Variants in DOP1B observed in about 807,000 individuals in gnomAD.
DOP1B encodes the protein DOP1 leucine zipper like protein B.
DOP1B carries 174 observed loss-of-function variants against 233.5 expected under a neutral mutation model. The ratio of observed to expected loss-of-function variants is 0.75; its 90% CI spans 0.66 to 0.85. The LOEUF is 0.85. DOP1B is among the 40% of genes least tolerant of loss of function. DOP1B has a pLI of 0.00. For missense variants in DOP1B, 2,652 were observed against 2,846.6 expected (o/e 0.93, Z 1.56); for synonymous variants, 1,190 against 1,185.6 (o/e 1.00, Z -0.08).
At chr21:36,227,048 A>G (rs1053607641) in intron 12 of DOP1B, among the ~76,000 whole-genome samples, 1 of 150,462 alleles carries the variant, frequency 6.6e-6, no homozygotes, top group South Asian at 2.1e-4. Flanking sequence ...TACTAAAAAA[A>G]ATACAAAAAG....
intron 27 of DOP1B, among the ~76,000 whole-genome samples, chr21:36,272,649 C>CAA (rs1048479594): frequency 1.0e-4 from 6 of 58,694 alleles, no homozygotes; most frequent in East Asian, 4.7e-4. Flanking sequence ...AACTCCATCT[C>CAA]AAAAAAAAAA....
At chr21:36,244,571 C>G (rs1189296090) in intron 18 of DOP1B, among the ~76,000 whole-genome samples, 1 of 152,020 alleles carries the variant, frequency 6.6e-6, no homozygotes, top group Non-Finnish European at 1.5e-5. Flanking sequence ...ATTACAAGCA[C>G]CTGCCACCAC....
chr21:36,282,528 G>GGTACT (rs2067428999), intron 32 of DOP1B, among the ~76,000 whole-genome samples: 1 of 152,202 alleles, frequency 6.6e-6, no homozygotes, highest in South Asian at 2.1e-4. Flanking sequence ...TCTTGCTAGA[G>GGTACT]TCCTCCTGCA....
rs774034819 is a variant in DOP1B, at chr21:36,200,483, G to A, written c.473G>A (p.Gly158Asp). 13 of 1,608,718 alleles carry A rather than the reference G, an allele frequency of 8.1e-6. No homozygotes were observed. The Admixed American group carries it at 2.2e-4, about 27-fold the overall frequency. The part of the protein sequence containing the change: ...IVGLLPGLEE[G>D]SEISDRTDAL... ...GGCCTGCTGCCCGGCCTTGAAGAGGGCTCCGAGATCTCCGACAGGTGCGTG... is the reference window on the plus strand; with the variant it reads ...GGCCTGCTGCCCGGCCTTGAAGAGGACTCCGAGATCTCCGACAGGTGCGTG... The change falls in exon 4 of 37, where the codon GGC becomes GAC. Residue 158 changes from glycine (G) to aspartate (D), a missense_variant. Transcript: ENST00000691173.
At chr21:36,232,659 T>G in intron 14 of DOP1B, 145 bp from the exon 15 acceptor site, 1 of 1,077,256 alleles carries the variant, frequency 9.3e-7, no homozygotes, top group Middle Eastern at 3.2e-4. Context: ...CAAATAAGTC[T>G]CACCAGCGGG....
intron 1 of DOP1B, among the ~76,000 whole-genome samples, chr21:36,157,507 G>GGCT (rs2065830598): frequency 6.6e-6 from 1 of 152,234 alleles, no homozygotes; most frequent in Admixed American, 6.5e-5. Context: ...CAGGGTTCCC[G>GGCT]GCTGCTCGCG....
intron 2 of DOP1B, among the ~76,000 whole-genome samples, chr21:36,176,101 T>TGC (rs756370304): frequency 0.34 from 49,972 of 146,996 alleles, 8,497 homozygotes; most frequent in South Asian, 0.49. Flanking sequence ...TGTGTGCGTG[T>TGC]GTGTGTGTGT....
rs565763383 is a variant in DOP1B at position 36,287,275 on chromosome 21, A to G, written c.6161-739A>G. On this transcript the variant is annotated intron_variant, in intron 32 of 36. Coordinates refer to ENST00000691173, the MANE Select transcript of DOP1B (RefSeq NM_001320714.2). The stretch of plus-strand genomic sequence containing the variant: ...GTTATATTTACTTGCTCCGCTTCCC[A>G]CCCACCACCCTCAAAATATGGTGTT... Among the ~76,000 whole-genome samples, 7 of 152,210 alleles carry G rather than the reference A, an allele frequency of 4.6e-5. No homozygotes were observed. In the East Asian group the frequency reaches 1.4e-3, roughly 29 times the overall value.
Position 36,239,963 on chromosome 21 carries a change from G to T in DOP1B, c.3067+8G>T. 1 of 1,605,852 alleles carries T rather than the reference G, an allele frequency of 6.2e-7. No individual in the cohort carries two copies. The highest frequency in any genetic ancestry group is 8.5e-7 in the Non-Finnish European group (1 of 1,177,150). ...AGCAGGAGAACTCGGCCGGTGAGCA[G>T]CCTGCACAGGACCCGAGGGTGAGGG... On this transcript the variant is annotated splice_region_variant and intron_variant, in intron 18 of 36. Coordinates refer to ENST00000691173, the MANE Select transcript of DOP1B (RefSeq NM_001320714.2).
In DOP1B at chr21:36,230,876, G is replaced by C; in HGVS notation, c.2092G>C (p.Asp698His). ...GCCTCAGTTCAAGCAGATGCTGTCA[G>C]ACTTGTTCACAGCACGAGGGTCTCC... Reference protein sequence around the residue: ...TVPQFKQMLSDLFTARGSPFK... With the variant: ...TVPQFKQMLSHLFTARGSPFK... Residue 698 changes from aspartate (D) to histidine (H), a missense_variant, in exon 14 of 37, where the codon GAC becomes CAC. By Grantham distance (81) the Asp-to-His change is moderately conservative. This residue lies in a region of DOP1B where 2,617 missense variants were observed against 2,794.3 expected (regional missense o/e 0.94). Coordinates refer to ENST00000691173, the MANE Select transcript of DOP1B (RefSeq NM_001320714.2). 6.2e-7 allele frequency: 1 copy of C among 1,614,136 alleles called. No homozygotes were observed.
Position 36,235,867 on chromosome 21 carries a change from G to GA in DOP1B, c.2623-1395_2623-1394insA, listed in dbSNP as rs1555893490. ...CCATAGTGACAGCAAGGAAGTCGGG[G>GA]GGGGGGCGGTCTACGTAGTCAAAAA... is the stretch of plus-strand genomic sequence containing the variant. On this transcript the variant is annotated intron_variant, in intron 15 of 36. Coordinates refer to ENST00000691173, the MANE Select transcript of DOP1B (RefSeq NM_001320714.2). 3.4e-5 allele frequency among the ~76,000 whole-genome samples: 5 copies of GA among 147,834 alleles called. No homozygotes were observed. The South Asian group carries it at 6.9e-4, about 20-fold the overall frequency.
chr21:36,230,379 A>C lies in DOP1B; in HGVS notation c.1666-71A>C, dbSNP rs2066745900. On this transcript the variant is annotated intron_variant, in intron 13 of 36. Transcript: ENST00000691173. ...TGAAAAACAGAATTGAAATACATTCATGATTTCAACTGATACTTAAATAGC... is the reference window on the plus strand; with the variant it reads ...TGAAAAACAGAATTGAAATACATTCCTGATTTCAACTGATACTTAAATAGC... The C allele has an allele frequency of 3.4e-6, 5 of 1,470,144 alleles. No individual in the cohort carries two copies. The South Asian group carries it at 5.3e-5, about 16-fold the overall frequency. The allele number at this position is 1,470,144 out of a possible 1,614,324, so 91.1% of individuals were successfully genotyped here. A position where few individuals can be genotyped will look rare whatever the true frequency, so the allele number is the denominator to read the frequency against.
At chr21:36,251,580 C>T (rs1035631543) in intron 22 of DOP1B, among the ~76,000 whole-genome samples, 7 of 152,188 alleles carry the variant, frequency 4.6e-5, no homozygotes, top group African/African-American at 7.2e-5. Flanking sequence ...CCACCACACC[C>T]GGCTAATTTT....
chr21:36,259,264 C>CTTTTTTTT (rs11411588), intron 23 of DOP1B, among the ~76,000 whole-genome samples: 1 of 136,634 alleles, frequency 7.3e-6, no homozygotes, highest in Non-Finnish European at 1.5e-5. Flanking sequence ...TGCGCCCGGG[C>CTTTTTTTT]TTTTTTTTTT....
intron 2 of DOP1B, among the ~76,000 whole-genome samples, chr21:36,179,920 A>G (rs771659368): frequency 9.9e-5 from 15 of 152,174 alleles, no homozygotes; most frequent in Admixed American, 5.2e-4. Context: ...GGGTCAGTGG[A>G]CGTACAGTGA....
chr21:36,272,201 A>G (rs1191803610), intron 27 of DOP1B, among the ~76,000 whole-genome samples: 1 of 152,106 alleles, frequency 6.6e-6, no homozygotes, highest in Non-Finnish European at 1.5e-5. Context: ...GAAAATTGTT[A>G]GCAGGGCTGG....
rs538538998 is a variant in DOP1B at position 36,225,617 on chromosome 21, G to A, written c.1423G>A (p.Val475Ile). 207 of 1,614,208 alleles carry A rather than the reference G, an allele frequency of 1.3e-4. No homozygotes were observed. In the South Asian group the frequency reaches 2.1e-3, roughly 17 times the overall value. ...VRNSVSPPPT[V>I]SELCALLVFL... is the part of the protein sequence containing the mutation. Reference sequence around the variant, plus strand: ...GAACAGCGTCAGCCCTCCCCCCACGGTCTCGGAGCTCTGCGCCCTCCTGGT... The same window carrying A: ...GAACAGCGTCAGCCCTCCCCCCACGATCTCGGAGCTCTGCGCCCTCCTGGT... The change falls in exon 12 of 37, where the codon GTC becomes ATC. Residue 475 changes from valine to isoleucine, a missense_variant. Val to Ile is a conservative substitution (Grantham distance 29). Coordinates refer to ENST00000691173, the MANE Select transcript of DOP1B (RefSeq NM_001320714.2).
chr21:36,263,559 G>T lies in DOP1B; in HGVS notation c.5329G>T (p.Ala1777Ser), dbSNP rs1168491504. 3 of 1,614,152 alleles carry T rather than the reference G, an allele frequency of 1.9e-6. No homozygotes were observed. The highest frequency in any genetic ancestry group is 2.5e-6 in the Non-Finnish European group (3 of 1,180,016). Residue 1777 changes from alanine to serine, a missense_variant, in exon 25 of 37, where the codon GCC becomes TCC. This residue lies in a region of DOP1B where 2,617 missense variants were observed against 2,794.3 expected (regional missense o/e 0.94). Coordinates refer to ENST00000691173, the MANE Select transcript of DOP1B (RefSeq NM_001320714.2). ...TTAAAAAAACAGGCTCCCAGTACCAGCCTTGCAAGAGAACTTTTCTTCACT... is the reference window on the plus strand; with the variant it reads ...TTAAAAAAACAGGCTCCCAGTACCATCCTTGCAAGAGAACTTTTCTTCACT... ...YAFLQRLPVP[A>S]LQENFSSLLG...
intron 9 of DOP1B, among the ~76,000 whole-genome samples, chr21:36,215,268 A>G (rs2066545874): frequency 6.6e-6 from 1 of 152,146 alleles, no homozygotes; most frequent in Non-Finnish European, 1.5e-5. Context: ...GAGTAAAAAC[A>G]TTTTCACTGT....
Sources: allele counts gnomAD v4.1 joint callset (sites outside exome capture counted in the v4.1 genomes callset), GRCh38; gene constraint gnomAD v4.1.1; regional missense constraint gnomAD v4.1.1; transcripts MANE v1.5; gene names NCBI Gene and HGNC (gene_info 2026-07-23, HGNC 2026-07-21).